TRAF5: variants seen among roughly 807,000 people sequenced by gnomAD.
The protein encoded by TRAF5 is TNF receptor-associated factor 5.
Under a neutral mutation model 64.5 loss-of-function variants are expected in TRAF5, and 48 were observed. The ratio of observed to expected loss-of-function variants is 0.74; its 90% CI spans 0.59 to 0.95. The LOEUF is 0.95. Ranked by LOEUF, TRAF5 falls within the 40% of genes least tolerant of loss-of-function variation. TRAF5 has a pLI of 0.00. For missense variants in TRAF5, 545 were observed against 662.8 expected (o/e 0.82, Z 1.95); for synonymous variants, 206 against 240.5 (o/e 0.86, Z 1.33).
chr1:211,371,934 G>T (rs1703537786), intron 10 of TRAF5, among the ~76,000 whole-genome samples, 194 bp from the exon 11 acceptor site: 1 of 152,162 alleles, frequency 6.6e-6, no homozygotes. Context: ...ACACATCTAG[G>T]TTTCCTTGGA....
chr1:211,357,220 A>G (rs1490381152), intron 4 of TRAF5: 1 of 152,244 alleles, frequency 6.6e-6, no homozygotes, highest in Non-Finnish European at 1.5e-5. Context: ...GAGGCTGCTG[A>G]AATTTCTCCC....
chr1:211,362,501 G>A (rs1703216809), intron 7 of TRAF5, among the ~76,000 whole-genome samples: 1 of 152,056 alleles, frequency 6.6e-6, no homozygotes, highest in Admixed American at 6.6e-5. Flanking sequence ...CCAACATGGT[G>A]AAACCCCGCC....
At chr1:211,340,239 C>T (rs1702410687) in intron 1 of TRAF5, among the ~76,000 whole-genome samples, 1 of 152,088 alleles carries the variant, frequency 6.6e-6, no homozygotes, top group African/African-American at 2.4e-5. Flanking sequence ...TCGAGGGGCC[C>T]CTGGAGCCTC....
At chr1:211,370,158 T>C (rs187042263) in intron 9 of TRAF5, among the ~76,000 whole-genome samples, 128 of 152,288 alleles carry the variant, frequency 8.4e-4, no homozygotes, top group African/African-American at 2.9e-3. Flanking sequence ...AAGAAAATGC[T>C]TTAAACATCA....
At chr1:211,353,516 G>A (rs2102743833) in intron 2 of TRAF5, 59 bp downstream of exon 2, 1 of 1,520,672 alleles carries the variant, frequency 6.6e-7, no homozygotes, top group Non-Finnish European at 8.9e-7. Context: ...GGTGGCAACT[G>A]TGGCCACTCA....
At chr1:211,326,817 G>A (rs538439230), upstream of TRAF5, 346 of 984,090 alleles carry the variant, frequency 3.5e-4, 4 homozygotes, top group East Asian at 0.016. The surrounding 1 kb of genome is among the most constrained non-coding windows in gnomAD (Gnocchi z 5.0). Flanking sequence ...CTTCGCCGCC[G>A]CCGCCGGCCG....
intron 4 of TRAF5, chr1:211,356,771 A>G: frequency 4.3e-6 from 1 of 230,442 alleles, no homozygotes; most frequent in Non-Finnish European, 8.6e-6. Flanking sequence ...GACAAAACAA[A>G]CACTCAAGAA....
At chr1:211,327,448 A>G (rs1702050335) in intron 1 of TRAF5, among the ~76,000 whole-genome samples, 1 of 152,160 alleles carries the variant, frequency 6.6e-6, no homozygotes, top group Admixed American at 6.5e-5. Context: ...TTCCTTTAGA[A>G]AGCAGCTACC....
At chr1:211,368,001 A>G (rs1703408382) in intron 8 of TRAF5, among the ~76,000 whole-genome samples, 1 of 152,180 alleles carries the variant, frequency 6.6e-6, no homozygotes, top group Admixed American at 6.5e-5. Context: ...ACAGGGTATC[A>G]TGGAACTTGA....
At chr1:211,330,785 T>C (rs1440465814) in intron 1 of TRAF5, among the ~76,000 whole-genome samples, 1 of 152,180 alleles carries the variant, frequency 6.6e-6, no homozygotes, top group Admixed American at 6.5e-5. Context: ...ATTCCCTTCC[T>C]TGACCTCCAG....
intron 1 of TRAF5, among the ~76,000 whole-genome samples, chr1:211,332,783 TGAA>T (rs1702190156): frequency 6.6e-6 from 1 of 152,206 alleles, no homozygotes; most frequent in African/African-American, 2.4e-5. Flanking sequence ...TTTAAAAAGA[TGAA>T]GAACATTTTA....
At chr1:211,360,382 G>T in intron 5 of TRAF5, 1 of 484,020 alleles carries the variant, frequency 2.1e-6, no homozygotes, top group South Asian at 2.8e-5. Flanking sequence ...AGTGTAGCTG[G>T]GGAGGCAGGA....
rs112266506 is a variant in TRAF5 at position 211,371,099 on chromosome 1, G to A, written c.931-203G>A. On this transcript the variant is annotated intron_variant, in intron 9 of 10. Coordinates refer to ENST00000261464, the MANE Select transcript of TRAF5 (RefSeq NM_001033910.3). ...AGTTCAAACATTTAGAACAGGAGCT[G>A]TGGTAGGAGAGGAGGAGGAGGAAGA... Among the ~76,000 whole-genome samples, 35 of 152,338 alleles carry A rather than the reference G, an allele frequency of 2.3e-4. 1 individual carries two copies. Among genetic ancestry groups the A allele is most frequent in the African/African-American group, 7.0e-4 (29 of 41,572 alleles).
In TRAF5 at chr1:211,360,038, C is replaced by G; in HGVS notation, c.505C>G (p.Leu169Val). The G allele has an allele frequency of 6.2e-7, 1 of 1,613,868 alleles. No individual in the cohort carries two copies. Among genetic ancestry groups the G allele is most frequent in the Non-Finnish European group, 8.5e-7 (1 of 1,179,942 alleles). ...ASCQFRKEKCLYCKKDVVVIN... is the reference protein window; with the variant it reads ...ASCQFRKEKCVYCKKDVVVIN... Reference sequence around the variant, plus strand: ...CTGTCAGTTTCGAAAGGAAAAATGCCTTTATTGCAAAAAGGATGTGGTAGT... The same window carrying G: ...CTGTCAGTTTCGAAAGGAAAAATGCGTTTATTGCAAAAAGGATGTGGTAGT... The change falls in exon 5 of 11, where the codon CTT becomes GTT. Residue 169 changes from leucine to valine, a missense_variant. Leu to Val is a conservative substitution (Grantham distance 32). Coordinates refer to ENST00000261464, the MANE Select transcript of TRAF5 (RefSeq NM_001033910.3).
intron 3 of TRAF5, among the ~76,000 whole-genome samples, chr1:211,355,185 A>G (rs560935929): frequency 1.3e-5 from 2 of 152,016 alleles, no homozygotes; most frequent in Non-Finnish European, 1.5e-5. Flanking sequence ...AAAAAAAAAA[A>G]GTTCTTTATA....
intron 1 of TRAF5, among the ~76,000 whole-genome samples, chr1:211,340,726 C>A (rs1015154414): frequency 2.8e-4 from 43 of 152,224 alleles, no homozygotes; most frequent in Non-Finnish European, 1.0e-4. Flanking sequence ...AAATGCTAAA[C>A]CATCACAGCT....
In TRAF5 at chr1:211,372,913, CTTA is replaced by C. The variant is rs1703586605; in HGVS notation, c.*217_*219del. 2 of 434,740 alleles carry C rather than the reference CTTA, an allele frequency of 4.6e-6. No individual in the cohort carries two copies. The allele number at this position is 434,740 out of a possible 1,614,324, so 26.9% of individuals were successfully genotyped here. On this transcript the variant is annotated 3_prime_UTR_variant, in exon 11 of 11. Transcript: ENST00000261464. ...AAACTTAAAACTCTTAGAATATTCT[CTTA>C]TTATTTATATTTTTATATTTCTTGA...
At chr1:211,344,169 G>T (rs929194049) in intron 1 of TRAF5, among the ~76,000 whole-genome samples, 2 of 152,160 alleles carry the variant, frequency 1.3e-5, no homozygotes, top group Non-Finnish European at 2.9e-5. Flanking sequence ...GCCAGCATGG[G>T]TGTGCAGCCT....
chr1:211,355,929 G>A (rs1256503124), intron 3 of TRAF5, among the ~76,000 whole-genome samples: 7 of 152,172 alleles, frequency 4.6e-5, no homozygotes, highest in Non-Finnish European at 1.5e-5. Context: ...TCGTGATGTG[G>A]ACTATCTGAC....
Sources: allele counts gnomAD v4.1 joint callset (sites outside exome capture counted in the v4.1 genomes callset), GRCh38; gene constraint gnomAD v4.1.1; non-coding constraint Gnocchi (gnomAD v3.1); transcripts MANE v1.5; gene names NCBI Gene and HGNC (gene_info 2026-07-23, HGNC 2026-07-21).